Variants in PAK5 observed in about 807,000 individuals in gnomAD.
PAK5 encodes p21 (RAC1) activated kinase 5.
PAK5 carries 16 observed loss-of-function variants against 65.9 expected under a neutral mutation model. The ratio of observed to expected loss-of-function variants is 0.24; its 90% CI spans 0.16 to 0.37. The LOEUF (loss-of-function observed/expected upper bound fraction) is 0.37. Ranked by LOEUF, PAK5 falls within the 10% of genes least tolerant of loss-of-function variation. The pLI is 1.00. For synonymous variants in PAK5, 371 were observed against 354.9 expected (o/e 1.05, Z -0.51); for missense variants, 785 against 903.9 (o/e 0.87, Z 1.69).
chr20:9,564,644 T>C (rs903456246), intron 5 of PAK5, among the ~76,000 whole-genome samples: 2 of 152,072 alleles, frequency 1.3e-5, no homozygotes, highest in Non-Finnish European at 2.9e-5. Flanking sequence ...ATCATTTATC[T>C]AAAAAAAGTA....
At chr20:9,664,030 A>C (rs564656129) in intron 2 of PAK5, among the ~76,000 whole-genome samples, 22 of 152,318 alleles carry the variant, frequency 1.4e-4, no homozygotes, top group African/African-American at 5.0e-4. Context: ...TTGAAAGAAA[A>C]AGGCAGCTAC....
At chr20:9,552,157 G>T (rs1483472944) in intron 7 of PAK5, among the ~76,000 whole-genome samples, 1 of 152,152 alleles carries the variant, frequency 6.6e-6, no homozygotes, top group Non-Finnish European at 1.5e-5. Flanking sequence ...TCCAAGTTTT[G>T]ATTTGTGGCA....
intron 1 of PAK5, among the ~76,000 whole-genome samples, chr20:9,745,647 G>A (rs182891184): frequency 6.1e-4 from 93 of 152,170 alleles, no homozygotes; most frequent in Middle Eastern, 6.8e-3. Flanking sequence ...GTACATGAAT[G>A]CCTTGGTGAA....
intron 3 of PAK5, among the ~76,000 whole-genome samples, chr20:9,608,033 G>A (rs1308522275): frequency 6.6e-6 from 1 of 152,064 alleles, no homozygotes; most frequent in Non-Finnish European, 1.5e-5. Context: ...CACACTTCCT[G>A]GTTCACAGAC....
At chr20:9,816,801 C>T (rs1322752586) in intron 1 of PAK5, among the ~76,000 whole-genome samples, 1 of 152,132 alleles carries the variant, frequency 6.6e-6, no homozygotes, top group Non-Finnish European at 1.5e-5. Context: ...CTCCAGAGAA[C>T]CCTGACTAGT....
At chr20:9,540,958 C>CATGG (rs1333477826) in intron 9 of PAK5, among the ~76,000 whole-genome samples, 2 of 152,038 alleles carry the variant, frequency 1.3e-5, no homozygotes, top group Non-Finnish European at 2.9e-5. Flanking sequence ...GGATGGTCTC[C>CATGG]ATCTCCTGAC....
At chr20:9,684,555 A>T (rs2047692916) in intron 2 of PAK5, among the ~76,000 whole-genome samples, 1 of 152,212 alleles carries the variant, frequency 6.6e-6, no homozygotes. Context: ...TGGTTTGCTA[A>T]TGTAACATGA....
intron 2 of PAK5, among the ~76,000 whole-genome samples, chr20:9,685,925 C>T (rs2047713205): frequency 6.6e-6 from 1 of 152,186 alleles, no homozygotes; most frequent in African/African-American, 2.4e-5. Context: ...AAAAAATTAT[C>T]ATGTTGGAGC....
intron 3 of PAK5, among the ~76,000 whole-genome samples, chr20:9,582,190 A>G (rs1163091873): frequency 6.6e-6 from 1 of 152,148 alleles, no homozygotes; most frequent in African/African-American, 2.4e-5. Flanking sequence ...CTATTAAGGA[A>G]ACTCCATGTT....
At chr20:9,808,330 T>C (rs2049257473) in intron 1 of PAK5, among the ~76,000 whole-genome samples, 2 of 152,202 alleles carry the variant, frequency 1.3e-5, no homozygotes, top group Non-Finnish European at 2.9e-5. Context: ...GAGTGGCTTC[T>C]TTGAAAACAG....
chr20:9,710,970 G>A (rs994372302), intron 2 of PAK5, among the ~76,000 whole-genome samples: 19 of 152,248 alleles, frequency 1.2e-4, no homozygotes, highest in Non-Finnish European at 5.9e-5. Context: ...CTCTCTAAGT[G>A]TTCTGCTCTG....
chr20:9,598,672 T>A (rs1344470630), intron 3 of PAK5, among the ~76,000 whole-genome samples: 1 of 152,208 alleles, frequency 6.6e-6, no homozygotes, highest in Non-Finnish European at 1.5e-5. Flanking sequence ...TGAGATGGTA[T>A]CTCATTGTGG....
At chr20:9,567,620 CATTT>C (rs1326724976) in intron 4 of PAK5, among the ~76,000 whole-genome samples, 1 of 152,138 alleles carries the variant, frequency 6.6e-6, no homozygotes, top group East Asian at 1.9e-4. Flanking sequence ...CACATTCATT[CATTT>C]ATTTCAAAAA....
chr20:9,591,397 A>G (rs974427608), intron 3 of PAK5, among the ~76,000 whole-genome samples: 5 of 152,190 alleles, frequency 3.3e-5, no homozygotes, highest in African/African-American at 1.2e-4. Context: ...ACCCTTTGAG[A>G]TACAATGAAA....
At chr20:9,611,342 C>A (rs903943784) in intron 3 of PAK5, among the ~76,000 whole-genome samples, 2 of 152,180 alleles carry the variant, frequency 1.3e-5, no homozygotes, top group Non-Finnish European at 2.9e-5. Flanking sequence ...GGTGTCCCTG[C>A]CCCCACCCAA....
chr20:9,708,844 G>C (rs1197856049), intron 2 of PAK5, among the ~76,000 whole-genome samples: 2 of 152,126 alleles, frequency 1.3e-5, no homozygotes, highest in African/African-American at 4.8e-5. Flanking sequence ...TCCAAGTTAT[G>C]TTCTATGCTG....
intron 9 of PAK5, 121 bp downstream of exon 9, chr20:9,542,465 A>T (rs943129667): frequency 4.1e-6 from 4 of 985,934 alleles, no homozygotes; most frequent in East Asian, 4.8e-5. Flanking sequence ...ACTATTTCCA[A>T]AGTCCATGCT....
In PAK5 at chr20:9,539,513, T is replaced by A; in HGVS notation, c.2109A>T (p.Ala703=). Residue 703 remains alanine (A), a synonymous_variant, in exon 10 of 10, where the codon GCA becomes GCT. Transcript: ENST00000353224. ...ELLGHPFLKL[A]GPPSCIVPLM... ...GGGGGACGATGCAAGACGGTGGACC[T>A]GCTAGTTTTAAGAATGGATGTCCGA... 1 of 1,614,048 alleles carries A rather than the reference T, an allele frequency of 6.2e-7. No individual in the cohort carries two copies. The highest frequency in any genetic ancestry group is 8.5e-7 in the Non-Finnish European group (1 of 1,179,956).
rs1260007410 is a variant in PAK5 at position 9,537,891 on chromosome 20, GATAA to G, written c.*1567_*1570del. ...TATGCCTTTTTTCCTTTTTAGCAGTGATAAATAATTAGCAACCTATTAATTACAA... is the reference window on the plus strand; with the variant it reads ...TATGCCTTTTTTCCTTTTTAGCAGTGATAATTAGCAACCTATTAATTACAA... On this transcript the variant is annotated 3_prime_UTR_variant, in exon 10 of 10. Transcript: ENST00000353224. The G allele has an allele frequency of 1.7e-5, 4 of 229,006 alleles. No homozygotes were observed. The highest frequency in any genetic ancestry group is 2.6e-5 in the Non-Finnish European group (3 of 115,374). The allele number at this position is 229,006 out of a possible 1,614,324, so 14.2% of individuals were successfully genotyped here.
Sources: gnomAD v4.1 joint callset for allele counts (sites outside exome capture counted in the v4.1 genomes callset) on GRCh38, gnomAD v4.1.1 for gene constraint, MANE v1.5 for transcripts, NCBI Gene and HGNC (gene_info 2026-07-23, HGNC 2026-07-21) for gene names.